CC2D2A: variants seen among roughly 807,000 people sequenced by gnomAD.
CC2D2A encodes coiled-coil and C2 domain-containing protein 2A.
Under a neutral mutation model 212.9 loss-of-function variants are expected in CC2D2A, and 155 were observed. That is an observed-to-expected ratio of 0.73 (90% CI 0.64 to 0.83). CC2D2A has a LOEUF of 0.83. CC2D2A is among the 40% of genes least tolerant of loss of function. The pLI is 0.00. For missense variants in CC2D2A, 1,856 were observed against 1,956.2 expected, an observed-to-expected ratio of 0.95 and a Z score of 0.97; for synonymous variants, 667 against 686.5, an observed-to-expected ratio of 0.97 and a Z score of 0.44.
chr4:15,568,154 A>G (rs557066821), intron 26 of CC2D2A, among the ~76,000 whole-genome samples: 8 of 152,322 alleles, frequency 5.3e-5, no homozygotes, highest in African/African-American at 1.9e-4. Context: ...CCCATAAATC[A>G]TACTTTCTTC....
At chr4:15,516,044 C>T in intron 10 of CC2D2A, 40 bp downstream of exon 10, 1 of 1,502,784 alleles carries the variant, frequency 6.7e-7, no homozygotes, top group Non-Finnish European at 8.9e-7. Flanking sequence ...AGCCTGGGCA[C>T]ACTAGACATA....
At chr4:15,566,471 C>T (rs2109068945) in intron 24 of CC2D2A, among the ~76,000 whole-genome samples, 1 of 152,216 alleles carries the variant, frequency 6.6e-6, no homozygotes, top group South Asian at 2.1e-4. Context: ...GTCCCCCATT[C>T]AGGCGCCCCC....
chr4:15,492,993 G>A, intron 4 of CC2D2A: 3 of 434,148 alleles, frequency 6.9e-6, no homozygotes, highest in South Asian at 5.4e-5. Flanking sequence ...AATTATTTAG[G>A]ATGACCTATG....
At chr4:15,591,531 T>A (rs563341854) in intron 33 of CC2D2A, among the ~76,000 whole-genome samples, 2 of 152,232 alleles carry the variant, frequency 1.3e-5, no homozygotes, top group South Asian at 4.1e-4. Context: ...ATCAACCTAT[T>A]TTTTTTAAGC....
Position 15,567,387 on chromosome 4 carries a change from C to G in CC2D2A, c.3193C>G (p.Gln1065Glu), listed in dbSNP as rs751061977. ...CATTTTCTCTCCTAGCAAATTCCAG[C>G]AGCCGTCGAGGTCTTCAAGGATGTT... ...VRKPAVSKFQ[Q>E]PSRSSRMFSE... The change falls in exon 25 of 37, where the codon CAG becomes GAG. Residue 1065 changes from glutamine to glutamate, a missense_variant. Coordinates refer to ENST00000424120, the MANE Select transcript of CC2D2A (RefSeq NM_001378615.1). The G allele has an allele frequency of 6.2e-7, 1 of 1,612,670 alleles. No individual in the cohort carries two copies. The highest frequency in any genetic ancestry group is 1.1e-5 in the South Asian group (1 of 90,862).
At chr4:15,530,172 C>T (rs548617274) in intron 13 of CC2D2A, among the ~76,000 whole-genome samples, 109 of 152,172 alleles carry the variant, frequency 7.2e-4, no homozygotes, top group African/African-American at 2.5e-3. Flanking sequence ...GGCGTTTCAC[C>T]GCGTTAGCCA....
At chr4:15,516,111 G>A in intron 10 of CC2D2A, 107 bp downstream of exon 10, 1 of 1,169,984 alleles carries the variant, frequency 8.5e-7, no homozygotes, top group Non-Finnish European at 1.1e-6. Flanking sequence ...TTCCTCTTGA[G>A]GTTATCCACA....
At chr4:15,485,868 A>G (rs368512900) in intron 4 of CC2D2A, among the ~76,000 whole-genome samples, 27 of 152,270 alleles carry the variant, frequency 1.8e-4, no homozygotes, top group African/African-American at 5.8e-4. Context: ...TCTGGATATC[A>G]GTCCCCTTTC....
At chr4:15,530,447 A>T (rs771621826) in intron 13 of CC2D2A, among the ~76,000 whole-genome samples, 60 of 152,290 alleles carry the variant, frequency 3.9e-4, no homozygotes, top group South Asian at 1.0e-3. Flanking sequence ...TCCTTGTGAG[A>T]ATAATTTTTG....
In CC2D2A at chr4:15,567,772, A is replaced by G. The variant is rs1451053009; in HGVS notation, c.3384A>G (p.Leu1128=). The G allele has an allele frequency of 1.9e-6, 3 of 1,590,474 alleles. No individual in the cohort carries two copies. In the South Asian group the frequency reaches 3.5e-5, roughly 19 times the overall value. The part of the protein sequence containing the change: ...EGPNPSWNEE[L]ELPFRAPNGD... ...CAAACCCTAGCTGGAATGAAGAACT[A>G]GAACTTCCATTTAGGTAAGCATATT... The change falls in exon 26 of 37, where the codon CTA becomes CTG. Residue 1128 remains leucine (L), a synonymous_variant. Coordinates refer to ENST00000424120, the MANE Select transcript of CC2D2A (RefSeq NM_001378615.1).
chr4:15,537,776 T>G (rs1718210558), intron 15 of CC2D2A, 123 bp from the exon 16 acceptor site: 1 of 1,026,870 alleles, frequency 9.7e-7, no homozygotes, highest in Non-Finnish European at 1.4e-6. Context: ...ACCTGCCTGA[T>G]TACACACTTC....
chr4:15,596,359 T>C (rs897844001), intron 34 of CC2D2A, among the ~76,000 whole-genome samples, 152 bp downstream of exon 34: 2 of 152,176 alleles, frequency 1.3e-5, no homozygotes, highest in African/African-American at 4.8e-5. Flanking sequence ...AACAGATATA[T>C]ACGTTTACAT....
chr4:15,533,534 C>G (rs375751972), intron 14 of CC2D2A: 234 of 407,762 alleles, frequency 5.7e-4, no homozygotes, highest in African/African-American at 4.4e-3. Flanking sequence ...ACTACCTAGA[C>G]TTTTGTGATC....
At chr4:15,543,599 A>G (rs1009381906) in intron 17 of CC2D2A, 5 of 152,232 alleles carry the variant, frequency 3.3e-5, no homozygotes, top group Non-Finnish European at 5.9e-5. Flanking sequence ...AGAGTTGCCC[A>G]ACTCTGCACT....
chr4:15,476,736 C>T (rs1714241943), intron 2 of CC2D2A, among the ~76,000 whole-genome samples: 1 of 152,212 alleles, frequency 6.6e-6, no homozygotes, highest in South Asian at 2.1e-4. Flanking sequence ...CCTGCTAATA[C>T]AAGCCTCTGT....
intron 17 of CC2D2A, among the ~76,000 whole-genome samples, chr4:15,545,159 CAT>C (rs1718647322): frequency 6.6e-6 from 1 of 152,282 alleles, no homozygotes; most frequent in East Asian, 1.9e-4. Flanking sequence ...AAATTTTCCA[CAT>C]GATTGCTAGA....
At chr4:15,538,239 T>G (rs1336904784) in intron 16 of CC2D2A, 102 bp downstream of exon 16, 8 of 1,225,846 alleles carry the variant, frequency 6.5e-6, no homozygotes, top group Admixed American at 2.9e-5. Context: ...GTACACTTAC[T>G]GACCTACACG....
At chr4:15,501,978 G>A (rs1715978736) in intron 4 of CC2D2A, among the ~76,000 whole-genome samples, 1 of 152,150 alleles carries the variant, frequency 6.6e-6, no homozygotes, top group Non-Finnish European at 1.5e-5. Flanking sequence ...TCTGATCAAA[G>A]ATATCAGTGC....
At chr4:15,591,891 GAAGA>G (rs1052154029) in intron 33 of CC2D2A, among the ~76,000 whole-genome samples, 3 of 152,152 alleles carry the variant, frequency 2.0e-5, no homozygotes, top group Non-Finnish European at 4.4e-5. Flanking sequence ...GTTTTGTGAG[GAAGA>G]AAGAACATTC....
Sources: gnomAD v4.1 joint callset for allele counts (sites outside exome capture counted in the v4.1 genomes callset) on GRCh38, gnomAD v4.1.1 for gene constraint, MANE v1.5 for transcripts, NCBI Gene and HGNC (gene_info 2026-07-23, HGNC 2026-07-21) for gene names.